Variants in SEL1L3 observed in about 807,000 individuals in gnomAD.
SEL1L3 encodes SEL1L family member 3, also known as protein sel-1 homolog 3.
SEL1L3 carries 76 observed loss-of-function variants against 142.8 expected under a neutral mutation model. The ratio of observed to expected loss-of-function variants is 0.53; its 90% confidence interval spans 0.44 to 0.64. The LOEUF is 0.64. SEL1L3 is among the 30% of genes least tolerant of loss of function. The probability of loss-of-function intolerance (pLI) is 0.00; values close to 1 mark genes in which losing one functional copy is unlikely to be tolerated. For missense variants in SEL1L3, 1,262 were observed against 1,381.7 expected (o/e 0.91, Z 1.37); for synonymous variants, 504 against 519.6 (o/e 0.97, Z 0.41).
chr4:25,769,797 G>A (rs1372545134), intron 17 of SEL1L3, among the ~76,000 whole-genome samples: 1 of 152,136 alleles, frequency 6.6e-6, no homozygotes, highest in Non-Finnish European at 1.5e-5. Flanking sequence ...TAACTGGCTG[G>A]GATGTGGCTC....
the SEL1L3 span, among the ~76,000 whole-genome samples, chr4:25,742,157 A>G: frequency 6.6e-6 from 1 of 151,768 alleles, no homozygotes. Context: ...TGCCTTTCAC[A>G]GTTAAGTCTT....
At chr4:25,808,284 G>T (rs530507712) in intron 9 of SEL1L3, among the ~76,000 whole-genome samples, 2 of 152,148 alleles carry the variant, frequency 1.3e-5, no homozygotes, top group East Asian at 1.9e-4. Context: ...TTCTTTCAGC[G>T]CCCAAAGCTA....
downstream of SEL1L3, among the ~76,000 whole-genome samples, chr4:25,743,802 T>C (rs1218627518): frequency 6.6e-6 from 1 of 152,222 alleles, no homozygotes; most frequent in African/African-American, 2.4e-5. Context: ...TTAGTGATTC[T>C]GGGGTCCCAA....
chr4:25,797,386 T>C (rs1207683018), intron 11 of SEL1L3, among the ~76,000 whole-genome samples: 1 of 152,156 alleles, frequency 6.6e-6, no homozygotes, highest in Non-Finnish European at 1.5e-5. Context: ...CACGAGGAAC[T>C]TGCCTCTTAG....
At chr4:25,789,074 G>C (rs1712082619) in intron 12 of SEL1L3, among the ~76,000 whole-genome samples, 1 of 152,140 alleles carries the variant, frequency 6.6e-6, no homozygotes, top group Admixed American at 6.5e-5. Flanking sequence ...TCCTGTACTA[G>C]AAAGACTGCA....
At chr4:25,829,934 AG>A (rs1451560870) in intron 6 of SEL1L3, among the ~76,000 whole-genome samples, 163 bp downstream of exon 6, 1 of 148,642 alleles carries the variant, frequency 6.7e-6, no homozygotes, top group Non-Finnish European at 1.5e-5. Flanking sequence ...TGTGCATGGT[AG>A]GAAAAAAAAA....
chr4:25,833,132 ATGAAAATGAG>A, intron 4 of SEL1L3, 22 bp from the exon 5 acceptor site: 3 of 1,399,226 alleles, frequency 2.1e-6, no homozygotes, highest in Non-Finnish European at 3.0e-6. Context: ...ATTCGAGCAC[ATGAAAATGAG>A]CAAAAAATAT....
chr4:25,785,158 G>A (rs562625076), intron 13 of SEL1L3, among the ~76,000 whole-genome samples: 8 of 152,262 alleles, frequency 5.3e-5, no homozygotes, highest in Non-Finnish European at 8.8e-5. Flanking sequence ...TGACAGGATC[G>A]CCTGTGATTT....
intron 11 of SEL1L3, among the ~76,000 whole-genome samples, chr4:25,793,697 G>A (rs988176457): frequency 6.6e-6 from 1 of 152,106 alleles, no homozygotes; most frequent in African/African-American, 2.4e-5. Context: ...TACTTTATCT[G>A]AGACTCAGTT....
At chr4:25,852,211 C>A (rs1716955290) in intron 1 of SEL1L3, among the ~76,000 whole-genome samples, 1 of 152,124 alleles carries the variant, frequency 6.6e-6, no homozygotes, top group African/African-American at 2.4e-5. Flanking sequence ...GAGGAAATGA[C>A]AATCAAGAGG....
chr4:25,797,117 G>T (rs989687266), intron 11 of SEL1L3, among the ~76,000 whole-genome samples: 2 of 150,470 alleles, frequency 1.3e-5, no homozygotes, highest in African/African-American at 4.9e-5. Context: ...AAGAGAGAAA[G>T]AGAAGGAGGG....
the SEL1L3 span, among the ~76,000 whole-genome samples, chr4:25,738,646 T>G: frequency 4.6e-5 from 7 of 152,206 alleles, no homozygotes; most frequent in Admixed American, 1.3e-4. Flanking sequence ...AAGGCCAATT[T>G]TAGTTTGCTT....
chr4:25,725,974 A>T, the SEL1L3 span, among the ~76,000 whole-genome samples: 668 of 152,236 alleles, frequency 4.4e-3, 2 homozygotes, highest in Non-Finnish European at 7.6e-3. Flanking sequence ...CGTGACCGGT[A>T]TCTTGTGACC....
At chr4:25,850,350 A>G (rs1269973107) in intron 1 of SEL1L3, among the ~76,000 whole-genome samples, 1 of 152,212 alleles carries the variant, frequency 6.6e-6, no homozygotes, top group Non-Finnish European at 1.5e-5. Flanking sequence ...GTAAATGCTC[A>G]TTCATAGTAA....
chr4:25,832,951 C>T (rs745818132), intron 5 of SEL1L3, 44 bp downstream of exon 5: 10 of 1,237,896 alleles, frequency 8.1e-6, no homozygotes, highest in South Asian at 1.2e-5. Flanking sequence ...TAACTTTAAG[C>T]GAAAATGCTC....
Position 25,821,990 on chromosome 4 carries a change from A to T in SEL1L3, c.1290+6T>A, listed in dbSNP as rs766928352. The T allele has an allele frequency of 1.2e-6, 2 of 1,612,662 alleles. No homozygotes were observed. Among genetic ancestry groups the T allele is most frequent in the Non-Finnish European group, 1.7e-6 (2 of 1,179,454 alleles). ...TACCGCAATCTTCCTGATCCCCTGG[A>T]CTCACCTGGGCGGGGTGCAGACTGC... On this transcript the variant is annotated splice_donor_region_variant and intron_variant, in intron 7 of 23. Transcript: ENST00000399878.
At chr4:25,716,960 C>T in the SEL1L3 span, among the ~76,000 whole-genome samples, 1 of 151,980 alleles carries the variant, frequency 6.6e-6, no homozygotes, top group African/African-American at 2.4e-5. Context: ...AACCCTGTCA[C>T]TATTAAAAAT....
At chr4:25,856,802 A>G (rs760399916) in intron 1 of SEL1L3, among the ~76,000 whole-genome samples, 11 of 152,196 alleles carry the variant, frequency 7.2e-5, no homozygotes, top group Non-Finnish European at 1.3e-4. Flanking sequence ...AAGAAAATCA[A>G]TAAGAAGAGA....
chr4:25,799,353 G>C (rs890586270), intron 11 of SEL1L3, among the ~76,000 whole-genome samples: 1 of 152,116 alleles, frequency 6.6e-6, no homozygotes, highest in Admixed American at 6.6e-5. Context: ...GGTATTACCG[G>C]GGTGACCTAC....
Sources: gnomAD v4.1 joint callset for allele counts (sites outside exome capture counted in the v4.1 genomes callset) on GRCh38, gnomAD v4.1.1 for gene constraint, MANE v1.5 for transcripts, NCBI Gene and HGNC (gene_info 2026-07-23, HGNC 2026-07-21) for gene names.